IL1RAPL1: variants seen among roughly 807,000 people sequenced by gnomAD.
The protein encoded by IL1RAPL1 is interleukin-1 receptor accessory protein-like 1.
A neutral mutation model predicts 48.4 loss-of-function variants in IL1RAPL1; 3 were observed. That is an observed-to-expected ratio of 0.06 (90% confidence interval 0.03 to 0.16). The LOEUF (loss-of-function observed/expected upper bound fraction) is 0.16, where lower values mean the gene tolerates loss of function less well. Ranked by LOEUF, IL1RAPL1 falls within the 10% of genes least tolerant of loss-of-function variation. IL1RAPL1 has a pLI of 1.00. For missense variants in IL1RAPL1, 349 were observed against 530.6 expected, an observed-to-expected ratio of 0.66 and a Z score of 3.36; for synonymous variants, 185 against 187.7, an observed-to-expected ratio of 0.99 and a Z score of 0.12.
chrX:29,426,691 A>T (rs1934354367), intron 5 of IL1RAPL1, among the ~76,000 whole-genome samples: 1 of 111,899 alleles, frequency 8.9e-6, no homozygotes, highest in South Asian at 3.7e-4. Flanking sequence ...AGGTATACAG[A>T]GCTACTATTT....
At chrX:29,921,085 C>T (rs1039568852) in intron 8 of IL1RAPL1, among the ~76,000 whole-genome samples, 7 of 112,016 alleles carry the variant, frequency 6.2e-5, no homozygotes, top group African/African-American at 2.3e-4. Context: ...TACAGCACCC[C>T]ATCACCTTTT....
At chrX:28,705,477 T>G (rs943587177) in intron 1 of IL1RAPL1, among the ~76,000 whole-genome samples, 14 of 112,438 alleles carry the variant, frequency 1.2e-4, no homozygotes, top group African/African-American at 3.9e-4. Flanking sequence ...ATTCATATTT[T>G]GAAAAGAGGA....
At chrX:28,604,962 C>A (rs1232563763) in intron 1 of IL1RAPL1, among the ~76,000 whole-genome samples, 3 of 111,182 alleles carry the variant, frequency 2.7e-5, no homozygotes, top group African/African-American at 9.8e-5. Context: ...TTGGATCATA[C>A]TTGACTTGTG....
chrX:29,356,358 A>T (rs890494532), intron 3 of IL1RAPL1, among the ~76,000 whole-genome samples: 1 of 109,255 alleles, frequency 9.2e-6, no homozygotes, highest in African/African-American at 3.3e-5. Flanking sequence ...GTGTTTTTGT[A>T]AAATTTGTGT....
At chrX:29,845,315 T>A (rs752315485) in intron 6 of IL1RAPL1, among the ~76,000 whole-genome samples, 85 of 111,595 alleles carry the variant, frequency 7.6e-4, no homozygotes, top group Non-Finnish European at 1.4e-3. Flanking sequence ...TGGGAGACAG[T>A]GTGACTAGAA....
Position 29,829,155 on chromosome X carries a change from TACACACACACACACACACACACACAC to T in IL1RAPL1, c.779-88277_779-88252del, listed in dbSNP as rs57560936. Among the ~76,000 whole-genome samples, 469 of 61,881 alleles carry T rather than the reference TACACACACACACACACACACACACAC, an allele frequency of 7.6e-3. 1 individual carries two copies. Among genetic ancestry groups the T allele is most frequent in the African/African-American group, 0.025 (424 of 16,985 alleles). The allele number at this position is 61,881 out of a possible 115,157, so 53.7% of individuals were successfully genotyped here. On this transcript the variant is annotated intron_variant, in intron 6 of 10. Transcript: ENST00000378993. ...GAGCCAGGAACCATGGACAAAAACC[TACACACACACACACACACACACACAC>T]ACACACACACACACACACACACACA...
intron 5 of IL1RAPL1, among the ~76,000 whole-genome samples, chrX:29,425,745 A>AT (rs752531653): frequency 0.025 from 2,611 of 104,809 alleles, 90 homozygotes; most frequent in African/African-American, 0.084. Context: ...ACAATCAGCT[A>AT]TTTTTTTTTT....
rs181413857 is a variant in IL1RAPL1 at position 28,704,653 on chromosome X, T to C, written c.-24-84667T>C. ...GAGATTAACATCAATTATGGTGATG[T>C]AATGGAGAGTGGCTAGATAGGCAAG... On this transcript the variant is annotated intron_variant, in intron 1 of 10. Transcript: ENST00000378993. 6.6e-3 allele frequency among the ~76,000 whole-genome samples: 711 copies of C among 108,215 alleles called. 6 individuals are homozygous for C. The highest frequency in any genetic ancestry group is 0.01 in the Non-Finnish European group (549 of 52,371). The allele number at this position is 108,215 out of a possible 115,157, so 94.0% of individuals were successfully genotyped here.
At chrX:28,768,701 GTT>G (rs1936270248) in intron 1 of IL1RAPL1, among the ~76,000 whole-genome samples, 3 of 56,892 alleles carry the variant, frequency 5.3e-5, no homozygotes, top group African/African-American at 2.0e-4. Flanking sequence ...CTCTCTCTCT[GTT>G]TCTCTCTCTC....
At chrX:29,078,961 A>C (rs768203860) in intron 2 of IL1RAPL1, among the ~76,000 whole-genome samples, 1 of 112,294 alleles carries the variant, frequency 8.9e-6, no homozygotes, top group Non-Finnish European at 1.9e-5. Flanking sequence ...TGAATTTAAA[A>C]TATATTTTTA....
At chrX:29,155,582 T>A (rs891701354) in intron 2 of IL1RAPL1, among the ~76,000 whole-genome samples, 3 of 112,150 alleles carry the variant, frequency 2.7e-5, no homozygotes, top group African/African-American at 3.2e-5. Flanking sequence ...GTGGATGACC[T>A]TTCTTATGCT....
chrX:29,386,021 A>T (rs944678621), intron 3 of IL1RAPL1, among the ~76,000 whole-genome samples: 5 of 111,803 alleles, frequency 4.5e-5, no homozygotes, highest in South Asian at 3.7e-4. Context: ...CACACTTTTT[A>T]AAAATTTTTT....
chrX:28,697,390 T>A (rs1475368168), intron 1 of IL1RAPL1, among the ~76,000 whole-genome samples: 1 of 111,410 alleles, frequency 9.0e-6, no homozygotes, highest in African/African-American at 3.2e-5. Flanking sequence ...TTTGTCTGTT[T>A]TAGGCATCTA....
intron 2 of IL1RAPL1, among the ~76,000 whole-genome samples, chrX:28,858,241 C>G (rs1172954708): frequency 8.9e-6 from 1 of 112,145 alleles, no homozygotes; most frequent in Non-Finnish European, 1.9e-5. Flanking sequence ...GGTGAGGACG[C>G]CATGAACATT....
intron 5 of IL1RAPL1, among the ~76,000 whole-genome samples, chrX:29,659,334 G>A (rs747900644): frequency 8.9e-6 from 1 of 111,952 alleles, no homozygotes; most frequent in Non-Finnish European, 1.9e-5. Flanking sequence ...CTTATTTCAC[G>A]TAATATAATG....
chrX:28,645,449 T>C (rs1465817427), intron 1 of IL1RAPL1, among the ~76,000 whole-genome samples: 1 of 103,981 alleles, frequency 9.6e-6, no homozygotes, highest in Non-Finnish European at 1.9e-5. Flanking sequence ...CTAGATGTCA[T>C]AGAGGGAAAA....
chrX:29,274,035 C>T (rs1297350456), intron 2 of IL1RAPL1, among the ~76,000 whole-genome samples: 3 of 111,267 alleles, frequency 2.7e-5, no homozygotes, highest in East Asian at 5.6e-4. Flanking sequence ...CATAAATATC[C>T]CCATGATTTT....
At chrX:29,935,104 A>T (rs1378249789) in intron 8 of IL1RAPL1, among the ~76,000 whole-genome samples, 1 of 108,563 alleles carries the variant, frequency 9.2e-6, no homozygotes, top group Admixed American at 9.8e-5. Flanking sequence ...TTTTTTTTGG[A>T]TGTTTATGTG....
intron 2 of IL1RAPL1, among the ~76,000 whole-genome samples, chrX:29,063,181 G>A (rs1393105831): frequency 2.7e-5 from 3 of 111,215 alleles, no homozygotes; most frequent in African/African-American, 9.8e-5. Context: ...ACCATATCTT[G>A]TAACCATATT....
Sources: allele counts gnomAD v4.1 joint callset (sites outside exome capture counted in the v4.1 genomes callset), GRCh38; gene constraint gnomAD v4.1.1; transcripts MANE v1.5; gene names NCBI Gene and HGNC (gene_info 2026-07-23, HGNC 2026-07-21).